CCDC178: variants seen among roughly 807,000 people sequenced by gnomAD.
CCDC178 encodes the protein coiled-coil domain-containing protein 178.
In CCDC178, 126 loss-of-function variants were observed where a neutral mutation model predicts 117.4. That is an observed-to-expected ratio of 1.07 (90% CI 0.93 to 1.24). The LOEUF (loss-of-function observed/expected upper bound fraction) is 1.24, where lower values mean the gene tolerates loss of function less well. Ranked by LOEUF, CCDC178 falls within the 50% of genes most tolerant of loss-of-function variation. The probability of loss-of-function intolerance (pLI) is 0.00; values close to 1 mark genes in which losing one functional copy is unlikely to be tolerated. For missense variants in CCDC178, 1,030 were observed against 986.9 expected, an observed-to-expected ratio of 1.04 and a Z score of -0.59; for synonymous variants, 283 against 313.4, an observed-to-expected ratio of 0.90 and a Z score of 1.02.
intron 5 of CCDC178, among the ~76,000 whole-genome samples, chr18:33,372,224 G>C (rs2063309877): frequency 6.6e-6 from 1 of 151,990 alleles, no homozygotes; most frequent in South Asian, 2.1e-4. Context: ...AAAATTCAGT[G>C]GTTCATGTTA....
At chr18:33,178,185 C>T (rs1193991716) in intron 20 of CCDC178, among the ~76,000 whole-genome samples, 1 of 152,118 alleles carries the variant, frequency 6.6e-6, no homozygotes, top group Non-Finnish European at 1.5e-5. Flanking sequence ...CTCTCCGTCA[C>T]AGGTGCTCTT....
intron 20 of CCDC178, among the ~76,000 whole-genome samples, chr18:33,204,308 G>A (rs1450223624): frequency 6.6e-6 from 1 of 151,916 alleles, no homozygotes; most frequent in Non-Finnish European, 1.5e-5. Context: ...TATTGTAAAT[G>A]AACAAAAATA....
At chr18:33,197,801 T>G (rs2058949025) in intron 20 of CCDC178, among the ~76,000 whole-genome samples, 1 of 152,186 alleles carries the variant, frequency 6.6e-6, no homozygotes, top group Admixed American at 6.5e-5. Context: ...TACTAATTTT[T>G]TTTGCTTTGT....
At chr18:33,016,502 T>C (rs2055993403) in intron 21 of CCDC178, among the ~76,000 whole-genome samples, 1 of 152,068 alleles carries the variant, frequency 6.6e-6, no homozygotes, top group South Asian at 2.1e-4. Context: ...TGTATTTTTG[T>C]TGGTAACTCT....
In CCDC178 at chr18:33,116,263, G is replaced by A. The variant is rs182059744; in HGVS notation, c.2239-23353C>T. On this transcript the variant is annotated intron_variant, in intron 20 of 22. Transcript: ENST00000383096. ...GTGGCCAAATCTACTCCCACTTAAT[G>A]CTTTTAAGAACATATGCTTTGGAAG... Among the ~76,000 whole-genome samples, 269 of 152,200 alleles carry A rather than the reference G, an allele frequency of 1.8e-3. 2 individuals carry two copies. The highest frequency in any genetic ancestry group is 2.7e-3 in the Non-Finnish European group (186 of 67,996).
chr18:32,965,253 T>A (rs1172288095), intron 22 of CCDC178, among the ~76,000 whole-genome samples: 1 of 151,972 alleles, frequency 6.6e-6, no homozygotes, highest in African/African-American at 2.4e-5. Flanking sequence ...CTTCTAGACC[T>A]ATTTCTGCAG....
chr18:32,944,834 T>C (rs1007664411), intron 22 of CCDC178, among the ~76,000 whole-genome samples: 2 of 152,200 alleles, frequency 1.3e-5, no homozygotes, highest in Admixed American at 6.5e-5. Flanking sequence ...CTAGATCTGA[T>C]GGTTTTATAA....
chr18:33,098,806 C>G (rs547884174), intron 20 of CCDC178, among the ~76,000 whole-genome samples: 152 of 151,994 alleles, frequency 1.0e-3, no homozygotes, highest in African/African-American at 3.5e-3. Context: ...GGATTCAGCT[C>G]TATGGTTAGG....
chr18:33,375,893 A>G (rs2063358092), intron 5 of CCDC178, among the ~76,000 whole-genome samples: 1 of 152,226 alleles, frequency 6.6e-6, no homozygotes, highest in Admixed American at 6.5e-5. Flanking sequence ...ACTGAGAAGC[A>G]TAAGGCAGAA....
At chr18:32,971,042 C>T (rs1269389378) in intron 22 of CCDC178, among the ~76,000 whole-genome samples, 1 of 151,934 alleles carries the variant, frequency 6.6e-6, no homozygotes, top group Non-Finnish European at 1.5e-5. Flanking sequence ...TTCTGGGATA[C>T]ATGTGCAAAA....
chr18:32,974,496 C>T, intron 22 of CCDC178, 51 bp downstream of exon 22: 1 of 1,574,142 alleles, frequency 6.4e-7, no homozygotes, highest in Non-Finnish European at 8.7e-7. Context: ...CCATCATTTG[C>T]TTTTCAATCT....
chr18:33,389,562 T>C lies in CCDC178; in HGVS notation c.186A>G (p.Glu62=). The C allele has an allele frequency of 1.3e-6, 2 of 1,519,940 alleles. No individual in the cohort carries two copies. Among genetic ancestry groups the C allele is most frequent in the Admixed American group, 2.0e-5 (1 of 49,050 alleles). The allele number at this position is 1,519,940 out of a possible 1,614,324, so 94.2% of individuals were successfully genotyped here. A position where few individuals can be genotyped will look rare whatever the true frequency, so the allele number is the denominator to read the frequency against. ...ASKENSEGFH[E]SKMTNTEGVN... ...CACCTTCAGTATTTGTCATTTTACT[T>C]TCATGAAAACCTTCACTGTTCTCCT... Residue 62 remains glutamate (E), a synonymous_variant, in exon 5 of 23, where the codon GAA becomes GAG. Transcript: ENST00000383096.
At chr18:33,358,842 A>G (rs376550535) in intron 6 of CCDC178, among the ~76,000 whole-genome samples, 36 of 151,862 alleles carry the variant, frequency 2.4e-4, no homozygotes, top group African/African-American at 8.7e-4. Context: ...AACATATACA[A>G]CTTACTAAAG....
intron 21 of CCDC178, among the ~76,000 whole-genome samples, chr18:33,011,879 G>T (rs921805870): frequency 6.7e-6 from 1 of 150,264 alleles, no homozygotes; most frequent in African/African-American, 2.5e-5. Context: ...TGATGGTTAC[G>T]GTGGGCTGCA....
At chr18:33,228,408 T>C (rs1335746392) in intron 15 of CCDC178, among the ~76,000 whole-genome samples, 3 of 152,214 alleles carry the variant, frequency 2.0e-5, no homozygotes, top group Non-Finnish European at 4.4e-5. Flanking sequence ...AAATTAATAT[T>C]GTTTGAAAAG....
intron 21 of CCDC178, among the ~76,000 whole-genome samples, chr18:33,032,851 G>A (rs28441232): frequency 0.021 from 3,175 of 152,092 alleles, 51 homozygotes; most frequent in African/African-American, 0.048. Context: ...GCTTATGGAA[G>A]GAAATCTGAC....
intron 12 of CCDC178, among the ~76,000 whole-genome samples, chr18:33,292,147 A>G (rs1461392944): frequency 3.3e-5 from 5 of 152,226 alleles, no homozygotes; most frequent in African/African-American, 1.2e-4. Flanking sequence ...TTACTGTGGC[A>G]TAATTCACAA....
intron 18 of CCDC178, among the ~76,000 whole-genome samples, chr18:33,217,872 C>T (rs1223565148): frequency 6.6e-6 from 1 of 151,850 alleles, no homozygotes; most frequent in East Asian, 1.9e-4. Context: ...TGCAACTTTA[C>T]CACTAATGAG....
intron 6 of CCDC178, among the ~76,000 whole-genome samples, chr18:33,358,608 C>T (rs1023620487): frequency 1.3e-5 from 2 of 151,670 alleles, no homozygotes; most frequent in Non-Finnish European, 3.0e-5. Flanking sequence ...CTATCAATTC[C>T]ATTCATATGC....
Sources: gnomAD v4.1 joint callset for allele counts (sites outside exome capture counted in the v4.1 genomes callset) on GRCh38, gnomAD v4.1.1 for gene constraint, MANE v1.5 for transcripts, NCBI Gene and HGNC (gene_info 2026-07-23, HGNC 2026-07-21) for gene names.